The following ARPC1A variants were observed in gnomAD, a reference collection of about 807,000 sequenced individuals.
ARPC1A encodes actin related protein 2/3 complex subunit 1A.
A neutral mutation model predicts 46.9 loss-of-function variants in ARPC1A; 8 were observed. The ratio of observed to expected loss-of-function variants is 0.17; its 90% confidence interval spans 0.10 to 0.31. The LOEUF is 0.31. ARPC1A is among the 10% of genes least tolerant of loss of function. The pLI is 1.00. For missense variants in ARPC1A, 286 were observed against 483.6 expected, an observed-to-expected ratio of 0.59 and a Z score of 3.83; for synonymous variants, 152 against 169.0, an observed-to-expected ratio of 0.90 and a Z score of 0.78.
intron 2 of ARPC1A, among the ~76,000 whole-genome samples, chr7:99,334,330 C>G (rs1208684986): frequency 6.6e-6 from 1 of 151,712 alleles, no homozygotes; most frequent in African/African-American, 2.4e-5. Flanking sequence ...CCACTGTACT[C>G]CAGCCTGGGT....
chr7:99,348,531 A>C (rs978196403), intron 4 of ARPC1A, among the ~76,000 whole-genome samples: 3 of 152,158 alleles, frequency 2.0e-5, no homozygotes, highest in Admixed American at 6.6e-5. Flanking sequence ...ACATGGAGAA[A>C]TCTCATCTCT....
At chr7:99,335,504 A>C (rs1479862107) in intron 2 of ARPC1A, 4 of 355,412 alleles carry the variant, frequency 1.1e-5, no homozygotes, top group African/African-American at 9.0e-5. Context: ...GAAATCAAGA[A>C]GTGTAAGTTC....
chr7:99,344,917 G>GTT (rs1562799264), intron 4 of ARPC1A, among the ~76,000 whole-genome samples: 18 of 29,558 alleles, frequency 6.1e-4, no homozygotes, highest in African/African-American at 7.6e-4. Flanking sequence ...AGATAACAAT[G>GTT]TTCTTTTTTT....
intron 5 of ARPC1A, among the ~76,000 whole-genome samples, chr7:99,350,606 A>G (rs183708646): frequency 1.7e-5 from 2 of 118,924 alleles, no homozygotes; most frequent in Admixed American, 1.8e-4. Context: ...TGTTGACTAT[A>G]TGGTAGGTTG....
chr7:99,334,968 T>A (rs1562796421), intron 2 of ARPC1A, among the ~76,000 whole-genome samples: 2 of 152,180 alleles, frequency 1.3e-5, no homozygotes, highest in Non-Finnish European at 2.9e-5. Flanking sequence ...CTCAGCCTCC[T>A]GAGTAGCTGG....
intron 3 of ARPC1A, among the ~76,000 whole-genome samples, chr7:99,340,403 T>A (rs923220280): frequency 6.6e-6 from 1 of 152,194 alleles, no homozygotes; most frequent in African/African-American, 2.4e-5. Flanking sequence ...CATCAAGTGA[T>A]CTGCCTGCCT....
chr7:99,340,148 TTTTGTTTG>T (rs145394943), intron 3 of ARPC1A: 16,249 of 394,700 alleles, frequency 0.041, 424 homozygotes, highest in Admixed American at 0.063. Flanking sequence ...TTTTTTCTGT[TTTTGTTTG>T]TTTGTTTGTT....
chr7:99,345,014 C>T (rs1303988676), intron 4 of ARPC1A, among the ~76,000 whole-genome samples: 2 of 139,724 alleles, frequency 1.4e-5, no homozygotes, highest in Admixed American at 1.5e-4. Context: ...TGGCTCACTG[C>T]AACGTCCGCC....
chr7:99,333,259 A>G, intron 1 of ARPC1A, 66 bp from the exon 2 acceptor site: 1 of 982,956 alleles, frequency 1.0e-6, no homozygotes, highest in South Asian at 1.4e-5. Context: ...TCCTCAGGCA[A>G]CTTAAACATT....
Position 99,333,416 on chromosome 7 carries a change from T to A in ARPC1A, c.63T>A (p.Thr21=), listed in dbSNP as rs368636206. 1.2e-6 allele frequency: 2 copies of A among 1,611,862 alleles called. No homozygotes were observed. Among genetic ancestry groups the A allele is most frequent in the South Asian group, 2.2e-5 (2 of 90,490 alleles). The change falls in exon 2 of 10, where the codon ACT becomes ACA. Residue 21 remains threonine (T), a splice_region_variant and synonymous_variant. Transcript: ENST00000262942. The part of the protein sequence containing the change: ...ITCHAWNRDR[T]QIALSPNNHE... ...GTCATGCCTGGAACAGGGATCGTACTCGTAAGTATTTTATTAACTTTGCTT... is the reference window on the plus strand; with the variant it reads ...GTCATGCCTGGAACAGGGATCGTACACGTAAGTATTTTATTAACTTTGCTT...
rs560901955 is a variant in ARPC1A, at chr7:99,348,921, C to T, written c.462C>T (p.Asn154=). Residue 154 remains asparagine, a synonymous_variant, in exon 5 of 10, where the codon AAC becomes AAT. Transcript: ENST00000262942. ...TVLSLDWHPN[N]VLLAAGSCDF... is the part of the protein sequence containing the mutation. ...TCAGCTTGGATTGGCATCCCAACAA[C>T]GTTTTGCTGGCAGCAGGATCATGTG... 2.0e-4 allele frequency: 319 copies of T among 1,614,104 alleles called. 2 individuals carry two copies. The South Asian group carries it at 3.3e-3, about 17-fold the overall frequency.
At chr7:99,340,591 C>T (rs1416889901) in intron 3 of ARPC1A, among the ~76,000 whole-genome samples, 3 of 152,226 alleles carry the variant, frequency 2.0e-5, no homozygotes, top group African/African-American at 2.4e-5. Flanking sequence ...TAAAGGTGTG[C>T]GCCAGCACAC....
chr7:99,344,155 A>T, intron 3 of ARPC1A, 138 bp from the exon 4 acceptor site: 1 of 725,066 alleles, frequency 1.4e-6, no homozygotes, highest in Non-Finnish European at 2.3e-6. Context: ...ATCAGGACAT[A>T]GATAGTGGGA....
intron 1 of ARPC1A, among the ~76,000 whole-genome samples, chr7:99,331,986 A>T (rs1793150907): frequency 6.6e-6 from 1 of 152,228 alleles, no homozygotes; most frequent in African/African-American, 2.4e-5. Flanking sequence ...TCTCTAGAAC[A>T]GTTCTCATCC....
chr7:99,359,553 C>T lies in ARPC1A; in HGVS notation c.798C>T (p.Asp266=). 2 of 1,614,014 alleles carry T rather than the reference C, an allele frequency of 1.2e-6. No individual in the cohort carries two copies. Among genetic ancestry groups the T allele is most frequent in the Non-Finnish European group, 1.7e-6 (2 of 1,180,000 alleles). Residue 266 remains aspartate (D), a synonymous_variant, in exon 8 of 10, where the codon GAC becomes GAT. Coordinates refer to ENST00000262942, the MANE Select transcript of ARPC1A (RefSeq NM_006409.4). ...SENSVVAAGH[D]CCPMLFNYDD... ...ACTGAGTCTTGTTTCAGGGCCATGA[C>T]TGCTGCCCAATGCTCTTTAACTACG...
chr7:99,332,879 A>G (rs949771188), intron 1 of ARPC1A, among the ~76,000 whole-genome samples: 2 of 130,120 alleles, frequency 1.5e-5, no homozygotes, highest in Non-Finnish European at 3.0e-5. Flanking sequence ...TTCTGGGATT[A>G]GAGGTGTGAC....
intron 3 of ARPC1A, among the ~76,000 whole-genome samples, chr7:99,342,661 T>G (rs561025661): frequency 6.6e-6 from 1 of 151,846 alleles, no homozygotes. Flanking sequence ...GTACAAAAAA[T>G]TGAGCTGATA....
At chr7:99,330,303 C>T (rs903310126) in intron 1 of ARPC1A, among the ~76,000 whole-genome samples, 5 of 151,860 alleles carry the variant, frequency 3.3e-5, no homozygotes, top group Non-Finnish European at 7.4e-5. Context: ...GGTTCCCCCC[C>T]CCTTTTTGTT....
chr7:99,347,845 A>G (rs900345140), intron 4 of ARPC1A, among the ~76,000 whole-genome samples: 1 of 151,432 alleles, frequency 6.6e-6, no homozygotes, highest in Non-Finnish European at 1.5e-5. Context: ...AAAAAAAAAA[A>G]GAAAGAAAGT....
Sources: allele counts gnomAD v4.1 joint callset (sites outside exome capture counted in the v4.1 genomes callset), GRCh38; gene constraint gnomAD v4.1.1; transcripts MANE v1.5; gene names NCBI Gene and HGNC (gene_info 2026-07-23, HGNC 2026-07-21).